Variants in TNFSF4 observed in about 807,000 individuals in gnomAD.
TNFSF4 encodes TNF superfamily member 4, also known as tumor necrosis factor ligand superfamily member 4.
Under a neutral mutation model 7.3 loss-of-function variants are expected in TNFSF4, and 4 were observed. The observed-to-expected ratio is 0.55, with a 90% CI of 0.27 to 1.25. The LOEUF (loss-of-function observed/expected upper bound fraction) is 1.25, where lower values mean the gene tolerates loss of function less well. Ranked by LOEUF, TNFSF4 falls within the 50% of genes most tolerant of loss-of-function variation. The probability of loss-of-function intolerance (pLI) is 0.12; values close to 1 mark genes in which losing one functional copy is unlikely to be tolerated. For missense variants in TNFSF4, 181 were observed against 208.8 expected (o/e 0.87, Z 0.82); for synonymous variants, 76 against 83.7 (o/e 0.91, Z 0.50).
the TNFSF4 span, among the ~76,000 whole-genome samples, chr1:173,234,592 A>G: frequency 1.3e-5 from 2 of 152,170 alleles, no homozygotes; most frequent in East Asian, 1.9e-4. Flanking sequence ...TGGCACATAT[A>G]CCCCATGGAA....
the TNFSF4 span, among the ~76,000 whole-genome samples, chr1:173,293,101 A>G: frequency 6.6e-6 from 1 of 152,100 alleles, no homozygotes; most frequent in Non-Finnish European, 1.5e-5. Context: ...TATTCATATC[A>G]AACTACCAAT....
the TNFSF4 span, among the ~76,000 whole-genome samples, chr1:173,304,336 T>G: frequency 1.3e-5 from 2 of 151,948 alleles, no homozygotes; most frequent in Admixed American, 6.6e-5. Flanking sequence ...GTAGAAGAAT[T>G]TGGATTTTAT....
At chr1:173,328,317 A>G in the TNFSF4 span, among the ~76,000 whole-genome samples, 1 of 137,898 alleles carries the variant, frequency 7.3e-6, no homozygotes, top group African/African-American at 2.7e-5. Context: ...GAACACATGG[A>G]CACAGGAAGG....
intron 1 of TNFSF4, among the ~76,000 whole-genome samples, chr1:173,197,826 G>A (rs1649769290): frequency 6.6e-6 from 1 of 151,676 alleles, no homozygotes; most frequent in South Asian, 2.1e-4. Context: ...ATGTACCCTG[G>A]AACTTAAAAT....
the TNFSF4 span, among the ~76,000 whole-genome samples, chr1:173,408,640 G>A: frequency 1.3e-5 from 2 of 151,938 alleles, no homozygotes; most frequent in African/African-American, 4.8e-5. Context: ...TGTCACTCAG[G>A]CTGGAGTGCA....
At chr1:173,417,079 A>G in the TNFSF4 span, among the ~76,000 whole-genome samples, 1 of 152,230 alleles carries the variant, frequency 6.6e-6, no homozygotes, top group Non-Finnish European at 1.5e-5. Flanking sequence ...GAATGCTAAT[A>G]ACAGTACTAA....
intron 1 of TNFSF4, among the ~76,000 whole-genome samples, chr1:173,198,870 T>C (rs1380699825): frequency 6.6e-6 from 1 of 152,172 alleles, no homozygotes; most frequent in Non-Finnish European, 1.5e-5. Flanking sequence ...GACTGGCGAA[T>C]GGTAACATCA....
chr1:173,364,786 C>G, the TNFSF4 span, among the ~76,000 whole-genome samples: 1 of 152,074 alleles, frequency 6.6e-6, no homozygotes, highest in African/African-American at 2.4e-5. Context: ...ACTAACTGTT[C>G]AAGGGGATCT....
intron 1 of TNFSF4, among the ~76,000 whole-genome samples, chr1:173,193,819 C>A (rs1029726560): frequency 1.2e-4 from 18 of 150,304 alleles, no homozygotes; most frequent in African/African-American, 3.9e-4. Flanking sequence ...CAAATATGGG[C>A]TCTTTGACCA....
At chr1:173,189,861 A>AT (rs529309171) in intron 1 of TNFSF4, among the ~76,000 whole-genome samples, 162 of 152,144 alleles carry the variant, frequency 1.1e-3, no homozygotes, top group African/African-American at 3.8e-3. Context: ...TCATGGTCTA[A>AT]TTTTTTAAAA....
At chr1:173,340,831 TG>T in the TNFSF4 span, among the ~76,000 whole-genome samples, 14 of 152,144 alleles carry the variant, frequency 9.2e-5, no homozygotes, top group Admixed American at 9.2e-4. Context: ...TAAGATGCCC[TG>T]TCTGTGAGTG....
At chr1:173,177,590 A>G in the TNFSF4 span, among the ~76,000 whole-genome samples, 1 of 152,068 alleles carries the variant, frequency 6.6e-6, no homozygotes, top group Non-Finnish European at 1.5e-5. Context: ...CCTAAAATAA[A>G]TTTTTTTTAA....
chr1:173,246,146 A>T, the TNFSF4 span, among the ~76,000 whole-genome samples: 1 of 152,128 alleles, frequency 6.6e-6, no homozygotes, highest in Non-Finnish European at 1.5e-5. Context: ...TTTGAGAAAC[A>T]TCTATACTTT....
At chr1:173,217,055 C>T in the TNFSF4 span, among the ~76,000 whole-genome samples, 1 of 152,150 alleles carries the variant, frequency 6.6e-6, no homozygotes, top group South Asian at 2.1e-4. Context: ...CTGTTTCTTA[C>T]CACACCACCT....
the TNFSF4 span, among the ~76,000 whole-genome samples, chr1:173,332,235 C>A: frequency 6.6e-6 from 1 of 152,180 alleles, no homozygotes; most frequent in East Asian, 1.9e-4. Context: ...AGTGAGGAAG[C>A]AAAGTAGTCC....
At chr1:173,388,518 T>C in the TNFSF4 span, among the ~76,000 whole-genome samples, 1 of 152,228 alleles carries the variant, frequency 6.6e-6, no homozygotes, top group Admixed American at 6.5e-5. Flanking sequence ...AGATGCTATT[T>C]GCCTTTTTCA....
chr1:173,378,197 CAG>C, the TNFSF4 span, among the ~76,000 whole-genome samples: 1 of 152,320 alleles, frequency 6.6e-6, no homozygotes, highest in South Asian at 2.1e-4. Flanking sequence ...TTCTGATCAG[CAG>C]GGTCCAGGGA....
the TNFSF4 span, among the ~76,000 whole-genome samples, chr1:173,308,285 C>CTCTCTGTGTGTGTG: frequency 6.1e-4 from 83 of 135,118 alleles, no homozygotes; most frequent in African/African-American, 1.6e-3. Context: ...CTCTCTCTCT[C>CTCTCTGTGTGTGTG]TGTGTGTGTG....
the TNFSF4 span, among the ~76,000 whole-genome samples, chr1:173,419,906 G>C: frequency 1.4e-5 from 2 of 147,546 alleles, no homozygotes; most frequent in Non-Finnish European, 3.0e-5. Context: ...TTTGTGTGGC[G>C]GGGGGGGGGA....
Sources: gnomAD v4.1 joint callset for allele counts (sites outside exome capture counted in the v4.1 genomes callset) on GRCh38, gnomAD v4.1.1 for gene constraint, MANE v1.5 for transcripts, NCBI Gene and HGNC (gene_info 2026-07-23, HGNC 2026-07-21) for gene names.